IQCM: variants seen among roughly 807,000 people sequenced by gnomAD.
The protein encoded by IQCM is IQ motif containing M.
In IQCM, 45 loss-of-function variants were observed where a neutral mutation model predicts 57.6. The observed-to-expected ratio is 0.78, with a 90% confidence interval of 0.62 to 1.00. The LOEUF (loss-of-function observed/expected upper bound fraction) is 1.00, where lower values mean the gene tolerates loss of function less well. IQCM is among the 50% of genes least tolerant of loss of function. The pLI, the probability that IQCM is intolerant of heterozygous loss-of-function variation, is 0.00. For missense variants in IQCM, 468 were observed against 511.6 expected (o/e 0.91, Z 0.82); for synonymous variants, 148 against 158.9 (o/e 0.93, Z 0.51).
At chr4:149,661,063 G>A (rs1035344364) in intron 7 of IQCM, among the ~76,000 whole-genome samples, 6 of 151,916 alleles carry the variant, frequency 3.9e-5, no homozygotes, top group Non-Finnish European at 8.8e-5. Flanking sequence ...TTTCCAATCT[G>A]AGAGGAACAG....
chr4:149,682,595 C>T lies in IQCM; in HGVS notation c.477-389G>A, dbSNP rs1762259531. 1.3e-5 allele frequency among the ~76,000 whole-genome samples: 2 copies of T among 150,330 alleles called. 1 individual carries two copies. Among genetic ancestry groups the T allele is most frequent in the Admixed American group, 1.3e-4 (2 of 14,874 alleles). On this transcript the variant is annotated intron_variant, in intron 6 of 13. Transcript: ENST00000636793. The stretch of plus-strand genomic sequence containing the variant: ...AACAGCTGAATAAAGTCAAGTATCA[C>T]ATAGAAACTTTGGAAAATGTGAGTA...
At chr4:149,410,635 T>C in intron 13 of IQCM, among the ~76,000 whole-genome samples, 1 of 148,294 alleles carries the variant, frequency 6.7e-6, no homozygotes, top group South Asian at 2.1e-4. Context: ...ATTGTCACAC[T>C]TTTTTTTTTA....
At chr4:149,662,965 T>C (rs1760358301) in intron 7 of IQCM, among the ~76,000 whole-genome samples, 1 of 151,984 alleles carries the variant, frequency 6.6e-6, no homozygotes, top group African/African-American at 2.4e-5. Flanking sequence ...TCTGATTGTT[T>C]TTTAGGCCCT....
intron 13 of IQCM, among the ~76,000 whole-genome samples, chr4:149,417,801 T>A (rs536246208): frequency 2.6e-5 from 4 of 151,778 alleles, no homozygotes; most frequent in African/African-American, 9.7e-5. Flanking sequence ...AACAAAAGCA[T>A]TCTCTATTTC....
chr4:149,745,085 AC>A (rs1767798648), intron 2 of IQCM, among the ~76,000 whole-genome samples: 1 of 152,088 alleles, frequency 6.6e-6, no homozygotes, highest in Non-Finnish European at 1.5e-5. Flanking sequence ...TGGCCAGTAC[AC>A]CCCTGTGGTA....
chr4:149,666,487 C>T (rs928827649), intron 7 of IQCM, among the ~76,000 whole-genome samples: 2 of 152,036 alleles, frequency 1.3e-5, no homozygotes, highest in Non-Finnish European at 2.9e-5. Context: ...GTTTCAAGCA[C>T]AAAACTGGGC....
intron 13 of IQCM, among the ~76,000 whole-genome samples, chr4:149,419,890 G>C (rs1367692815): frequency 3.3e-5 from 5 of 151,888 alleles, no homozygotes; most frequent in African/African-American, 1.2e-4. Context: ...CATATGAAAA[G>C]AAAATCAACA....
chr4:149,471,313 A>G (rs1424873170), intron 12 of IQCM, among the ~76,000 whole-genome samples: 1 of 152,202 alleles, frequency 6.6e-6, no homozygotes, highest in East Asian at 1.9e-4. Context: ...AGAAATACCA[A>G]TTACCATCAG....
intron 2 of IQCM, among the ~76,000 whole-genome samples, chr4:149,752,377 C>T (rs974837521): frequency 6.6e-6 from 1 of 151,894 alleles, no homozygotes; most frequent in African/African-American, 2.4e-5. Context: ...CATGGTGAAA[C>T]CCCATCTCTA....
intron 13 of IQCM, among the ~76,000 whole-genome samples, chr4:149,363,378 A>T (rs1398082995): frequency 6.6e-6 from 1 of 152,216 alleles, no homozygotes; most frequent in East Asian, 1.9e-4. Context: ...TCCATGTTGC[A>T]GTCTAGAATG....
At chr4:149,457,804 C>A (rs1047526432) in intron 12 of IQCM, among the ~76,000 whole-genome samples, 15 of 152,026 alleles carry the variant, frequency 9.9e-5, no homozygotes, top group Non-Finnish European at 2.1e-4. Context: ...AGCAATCACG[C>A]TCCCTTTTGG....
chr4:149,655,097 A>G (rs548488791), intron 7 of IQCM, among the ~76,000 whole-genome samples: 4 of 152,284 alleles, frequency 2.6e-5, no homozygotes, highest in South Asian at 4.1e-4. Flanking sequence ...GGATATATAC[A>G]TGAATGACCT....
chr4:149,772,727 T>G (rs1170805266), intron 2 of IQCM, among the ~76,000 whole-genome samples: 1 of 152,340 alleles, frequency 6.6e-6, no homozygotes, highest in African/African-American at 2.4e-5. Context: ...GCTGTCGTTC[T>G]TTTCAGACAT....
At chr4:149,735,789 T>C (rs930534593) in intron 3 of IQCM, among the ~76,000 whole-genome samples, 1 of 152,176 alleles carries the variant, frequency 6.6e-6, no homozygotes, top group Non-Finnish European at 1.5e-5. Context: ...GACTAATGTA[T>C]GAAGCTGTAC....
At chr4:149,805,901 G>T (rs1774035924) in intron 2 of IQCM, among the ~76,000 whole-genome samples, 1 of 151,874 alleles carries the variant, frequency 6.6e-6, no homozygotes, top group Non-Finnish European at 1.5e-5. Context: ...AAAATTCAAT[G>T]TTGAAGATTA....
intron 2 of IQCM, among the ~76,000 whole-genome samples, chr4:149,799,370 T>A (rs545435523): frequency 6.6e-6 from 1 of 151,806 alleles, no homozygotes; most frequent in African/African-American, 2.4e-5. Context: ...TTTATAGCTA[T>A]ATGTGCCTGC....
rs145638153 is a variant in IQCM, at chr4:149,559,928, T to C, written c.948+3764A>G. 2.6e-4 allele frequency among the ~76,000 whole-genome samples: 39 copies of C among 152,302 alleles called. 1 individual carries two copies. The East Asian group carries it at 4.6e-3, about 18-fold the overall frequency. On this transcript the variant is annotated intron_variant, in intron 10 of 13. Transcript: ENST00000636793. ...GATTCTCATAGGAGCTAGAACCCTA[T>C]TGTGAACTGCACATGCAGGGGATCC... is the stretch of plus-strand genomic sequence containing the variant.
intron 8 of IQCM, among the ~76,000 whole-genome samples, chr4:149,591,332 T>A (rs1220779899): frequency 6.6e-6 from 1 of 152,112 alleles, no homozygotes; most frequent in Non-Finnish European, 1.5e-5. Flanking sequence ...ACCTTTAGCC[T>A]TCAATTTTTG....
intron 13 of IQCM, among the ~76,000 whole-genome samples, chr4:149,358,882 A>AGTATATCATGATATACTCT: frequency 7.1e-4 from 108 of 151,312 alleles, no homozygotes; most frequent in African/African-American, 1.0e-3. Flanking sequence ...ATATCATGAG[A>AGTATATCATGATATACTCT]CCACAGTGGA....
Sources: allele counts gnomAD v4.1 joint callset (sites outside exome capture counted in the v4.1 genomes callset), GRCh38; gene constraint gnomAD v4.1.1; transcripts MANE v1.5; gene names NCBI Gene and HGNC (gene_info 2026-07-23, HGNC 2026-07-21).